SH3RF3: variants seen among roughly 807,000 people sequenced by gnomAD.
SH3RF3 encodes the protein SH3 domain containing ring finger 3.
A neutral mutation model predicts 66.3 loss-of-function variants in SH3RF3; 29 were observed. That is an observed-to-expected ratio of 0.44 (90% CI 0.33 to 0.60). The LOEUF is 0.60. SH3RF3 is among the 20% of genes least tolerant of loss of function. The pLI is 0.04. For missense variants in SH3RF3, 1,194 were observed against 1,190.9 expected (o/e 1.00, Z -0.04); for synonymous variants, 583 against 532.0 (o/e 1.10, Z -1.32).
chr2:109,222,259 A>G (rs191109323), intron 1 of SH3RF3, among the ~76,000 whole-genome samples: 4 of 152,334 alleles, frequency 2.6e-5, no homozygotes, highest in Admixed American at 1.3e-4. Flanking sequence ...GTCAGAAGGA[A>G]TGAATTCTCG....
At chr2:109,327,047 A>T (rs1682176878) in intron 1 of SH3RF3, among the ~76,000 whole-genome samples, 1 of 152,198 alleles carries the variant, frequency 6.6e-6, no homozygotes, top group Non-Finnish European at 1.5e-5. Context: ...ATGTCTTTTG[A>T]TAAATGGAAG....
chr2:109,283,447 G>A (rs1680943427), intron 1 of SH3RF3, among the ~76,000 whole-genome samples: 1 of 152,212 alleles, frequency 6.6e-6, no homozygotes, highest in Admixed American at 6.5e-5. Context: ...GCTCCCCTGT[G>A]GAGGAGCACT....
intron 1 of SH3RF3, among the ~76,000 whole-genome samples, chr2:109,267,165 G>A (rs1449695300): frequency 2.6e-5 from 4 of 152,080 alleles, no homozygotes; most frequent in Admixed American, 6.6e-5. Flanking sequence ...GCTTCCGATC[G>A]GTGATTTCCC....
intron 4 of SH3RF3, among the ~76,000 whole-genome samples, chr2:109,414,854 G>T (rs1380475209): frequency 6.6e-6 from 1 of 152,228 alleles, no homozygotes; most frequent in Non-Finnish European, 1.5e-5. Context: ...ACCTAATCTT[G>T]TTGGTGGAGA....
chr2:109,190,421 G>A (rs1047421515), intron 1 of SH3RF3, among the ~76,000 whole-genome samples: 3 of 152,204 alleles, frequency 2.0e-5, no homozygotes, highest in Non-Finnish European at 4.4e-5. Flanking sequence ...CGATCCACCC[G>A]CCTCGGCCAC....
In SH3RF3 at chr2:109,159,273, G is replaced by A. The variant is rs190494008; in HGVS notation, c.573+29160G>A. Among the ~76,000 whole-genome samples the A allele has an allele frequency of 5.9e-5, 9 of 152,260 alleles. No individual in the cohort carries two copies. In the East Asian group the frequency reaches 7.7e-4, roughly 13 times the overall value. ...CTTCCTGCATGGGCTCTATCCCGGCGCAGCTGCCTCTCTCTCAGGACCGCT... is the reference window on the plus strand; with the variant it reads ...CTTCCTGCATGGGCTCTATCCCGGCACAGCTGCCTCTCTCTCAGGACCGCT... On this transcript the variant is annotated intron_variant, in intron 1 of 9. Transcript: ENST00000309415.
At chr2:109,268,818 G>A (rs563237518) in intron 1 of SH3RF3, among the ~76,000 whole-genome samples, 1 of 152,254 alleles carries the variant, frequency 6.6e-6, no homozygotes, top group African/African-American at 2.4e-5. Context: ...TGTTTAAGGT[G>A]AGCCAGGCTA....
chr2:109,488,483 C>T (rs889206389), intron 8 of SH3RF3, among the ~76,000 whole-genome samples: 21 of 152,186 alleles, frequency 1.4e-4, no homozygotes, highest in African/African-American at 4.8e-4. Context: ...GGCCCAGCTG[C>T]AGGGTCTCCC....
intron 2 of SH3RF3, among the ~76,000 whole-genome samples, chr2:109,353,827 AG>A (rs1301180011): frequency 2.6e-5 from 4 of 152,128 alleles, no homozygotes; most frequent in African/African-American, 9.7e-5. Context: ...GCCGGCAGTG[AG>A]AGGGTGTGAT....
At chr2:109,303,267 A>G (rs1037171308) in intron 1 of SH3RF3, among the ~76,000 whole-genome samples, 2 of 152,208 alleles carry the variant, frequency 1.3e-5, no homozygotes, top group Non-Finnish European at 2.9e-5. Flanking sequence ...CCTCCCTCAC[A>G]TATGCTTCCC....
chr2:109,217,494 A>C (rs1004503101), intron 1 of SH3RF3, among the ~76,000 whole-genome samples: 1 of 152,196 alleles, frequency 6.6e-6, no homozygotes, highest in African/African-American at 2.4e-5. Flanking sequence ...ACATCTTAGT[A>C]ATAGGAAGAA....
At chr2:109,459,348 C>T (rs1249167243) in intron 8 of SH3RF3, among the ~76,000 whole-genome samples, 1 of 152,150 alleles carries the variant, frequency 6.6e-6, no homozygotes, top group African/African-American at 2.4e-5. Flanking sequence ...ATTACTTTGT[C>T]TACTATCCAA....
chr2:109,483,847 C>A (rs993476547), intron 8 of SH3RF3, among the ~76,000 whole-genome samples: 7 of 152,146 alleles, frequency 4.6e-5, no homozygotes, highest in Non-Finnish European at 2.9e-5. Flanking sequence ...CCATCAGCAG[C>A]CCCACCATCC....
At chr2:109,172,297 C>T (rs909947052) in intron 1 of SH3RF3, among the ~76,000 whole-genome samples, 15 of 152,268 alleles carry the variant, frequency 9.9e-5, no homozygotes, top group Non-Finnish European at 1.9e-4. Flanking sequence ...TGCTGTTTCT[C>T]TCCTGACAAG....
chr2:109,273,967 A>G (rs1271091213), intron 1 of SH3RF3, among the ~76,000 whole-genome samples: 2 of 152,146 alleles, frequency 1.3e-5, no homozygotes, highest in Non-Finnish European at 2.9e-5. Flanking sequence ...TGGAAAATGG[A>G]ATACTAATTA....
chr2:109,495,143 C>T (rs36170889), intron 9 of SH3RF3, among the ~76,000 whole-genome samples: 38,780 of 152,172 alleles, frequency 0.25, 5,295 homozygotes, highest in East Asian at 0.5. Context: ...CTGGCATATT[C>T]TTGTCCTGCG....
intron 1 of SH3RF3, among the ~76,000 whole-genome samples, chr2:109,321,422 CATACAGTTGTTGA>C (rs1682024272): frequency 6.6e-6 from 1 of 152,192 alleles, no homozygotes; most frequent in Non-Finnish European, 1.5e-5. Context: ...GAGTTCAGGG[CATACAGTTGTTGA>C]ATTTTGATTA....
chr2:109,347,497 A>T (rs1395884587), intron 1 of SH3RF3, among the ~76,000 whole-genome samples, 177 bp from the exon 2 acceptor site: 2 of 152,022 alleles, frequency 1.3e-5, no homozygotes, highest in African/African-American at 4.8e-5. Flanking sequence ...GCGCCTCAGA[A>T]TGTGCATGTT....
chr2:109,373,070 A>G (rs1683308689), intron 3 of SH3RF3, among the ~76,000 whole-genome samples: 1 of 152,140 alleles, frequency 6.6e-6, no homozygotes, highest in Admixed American at 6.5e-5. Flanking sequence ...ATTTAGTTTG[A>G]ATGTGCTGCC....
Sources: allele counts gnomAD v4.1 joint callset (sites outside exome capture counted in the v4.1 genomes callset), GRCh38; gene constraint gnomAD v4.1.1; transcripts MANE v1.5; gene names NCBI Gene and HGNC (gene_info 2026-07-23, HGNC 2026-07-21).